The following SLC4A10 variants were observed in gnomAD, a reference collection of about 807,000 sequenced individuals.
SLC4A10 encodes sodium-driven chloride bicarbonate exchanger.
SLC4A10 carries 42 observed loss-of-function variants against 137.7 expected under a neutral mutation model. The observed-to-expected ratio is 0.30, with a 90% CI of 0.24 to 0.39. The LOEUF (loss-of-function observed/expected upper bound fraction) is 0.39. Among genes scored for constraint, SLC4A10 ranks in the 10% least tolerant of loss-of-function variants. The probability of loss-of-function intolerance (pLI) is 1.00; values close to 1 mark genes in which losing one functional copy is unlikely to be tolerated. For synonymous variants in SLC4A10, 474 were observed against 464.1 expected (o/e 1.02, Z -0.27); for missense variants, 925 against 1,355.0 (o/e 0.68, Z 4.98).
In SLC4A10 at chr2:161,748,131, A is replaced by G. The variant is rs192392799; in HGVS notation, c.49-22842A>G. Among the ~76,000 whole-genome samples, 54 of 152,118 alleles carry G rather than the reference A, an allele frequency of 3.5e-4. 1 individual carries two copies. Among genetic ancestry groups the G allele is most frequent in the Non-Finnish European group, 6.3e-4 (43 of 67,988 alleles). ...TTGAGTTATTTGGGGGGTTTTTGCT[A>G]TTGAGTTGTGTAAGTTCCTTATATA... On this transcript the variant is annotated intron_variant, in intron 1 of 26. Coordinates refer to ENST00000446997, the MANE Select transcript of SLC4A10 (RefSeq NM_001178015.2).
At chr2:161,965,717 CT>C (rs559694299) in intron 23 of SLC4A10, among the ~76,000 whole-genome samples, 237 of 152,216 alleles carry the variant, frequency 1.6e-3, no homozygotes, top group Middle Eastern at 3.4e-3. Flanking sequence ...GCAGAAACTT[CT>C]GGAATTTATT....
chr2:161,930,263 G>A lies in SLC4A10; in HGVS notation c.1998-12529G>A, dbSNP rs143431199. Among the ~76,000 whole-genome samples, 633 of 152,216 alleles carry A rather than the reference G, an allele frequency of 4.2e-3. 5 individuals are homozygous for A. Among genetic ancestry groups the A allele is most frequent in the African/African-American group, 0.014 (601 of 41,552 alleles). On this transcript the variant is annotated intron_variant, in intron 15 of 26. Coordinates refer to ENST00000446997, the MANE Select transcript of SLC4A10 (RefSeq NM_001178015.2). ...CTGCTGGATTCTTTCCATGAGAAAA[G>A]CCTGTGTTGAGCTTTAGTTTCTTCA...
At chr2:161,740,826 A>G (rs971638303) in intron 1 of SLC4A10, among the ~76,000 whole-genome samples, 1 of 152,180 alleles carries the variant, frequency 6.6e-6, no homozygotes, top group Non-Finnish European at 1.5e-5. Flanking sequence ...CAATTTCTGT[A>G]TATGTTTTAG....
intron 1 of SLC4A10, among the ~76,000 whole-genome samples, chr2:161,761,182 C>T (rs1419719992): frequency 6.6e-6 from 1 of 151,988 alleles, no homozygotes; most frequent in African/African-American, 2.4e-5. Context: ...GCTGCACACA[C>T]ATACAAACTG....
chr2:161,907,834 A>G (rs1029402842), intron 15 of SLC4A10, among the ~76,000 whole-genome samples: 4 of 152,238 alleles, frequency 2.6e-5, no homozygotes, highest in African/African-American at 9.6e-5. Context: ...AGGTTTTATT[A>G]CTGATATAAT....
intron 21 of SLC4A10, among the ~76,000 whole-genome samples, chr2:161,962,764 A>C (rs1220185123): frequency 6.6e-6 from 1 of 152,152 alleles, no homozygotes; most frequent in Non-Finnish European, 1.5e-5. Flanking sequence ...TAAGACATAG[A>C]ACACAGAAGG....
chr2:161,686,736 A>T (rs758341954), intron 1 of SLC4A10, among the ~76,000 whole-genome samples: 2 of 152,144 alleles, frequency 1.3e-5, no homozygotes, highest in Non-Finnish European at 2.9e-5. Context: ...AACAATTTTT[A>T]TTTTTTTAAT....
At chr2:161,704,125 C>T (rs1000791747) in intron 1 of SLC4A10, among the ~76,000 whole-genome samples, 7 of 150,962 alleles carry the variant, frequency 4.6e-5, no homozygotes, top group African/African-American at 7.3e-5. Flanking sequence ...TAGTGAAAAT[C>T]GCTTAAGATC....
At chr2:161,800,723 T>G (rs939332743) in intron 2 of SLC4A10, among the ~76,000 whole-genome samples, 1 of 152,028 alleles carries the variant, frequency 6.6e-6, no homozygotes, top group Non-Finnish European at 1.5e-5. Context: ...TGGACCTTAG[T>G]GGATAACAGC....
chr2:161,809,690 G>A (rs564329176), intron 3 of SLC4A10, among the ~76,000 whole-genome samples: 9 of 152,006 alleles, frequency 5.9e-5, no homozygotes, highest in Non-Finnish European at 1.3e-4. Context: ...TGTTGTAGGT[G>A]TTTGACTTTA....
intron 15 of SLC4A10, among the ~76,000 whole-genome samples, chr2:161,913,654 A>T (rs1261180579): frequency 6.6e-6 from 1 of 152,194 alleles, no homozygotes; most frequent in Non-Finnish European, 1.5e-5. Context: ...TTTATAGAAC[A>T]AGTTATGACT....
At chr2:161,933,181 T>TC (rs1559564606) in intron 15 of SLC4A10, among the ~76,000 whole-genome samples, 8 of 140,560 alleles carry the variant, frequency 5.7e-5, no homozygotes, top group African/African-American at 2.0e-4. Flanking sequence ...TCCCCTTCCT[T>TC]CTTTTCTTTC....
At position 161,938,280 on chromosome 2, in the gene SLC4A10, A is replaced by T. The variant is rs1051178735; in HGVS notation, c.1998-4512A>T. On this transcript the variant is annotated intron_variant, in intron 15 of 26. Transcript: ENST00000446997. Reference sequence around the variant, plus strand: ...AGAGAAACCCTGTCTCCAAATAAATAAATTAATTAATGAATTAATTAAATA... The same window carrying T: ...AGAGAAACCCTGTCTCCAAATAAATTAATTAATTAATGAATTAATTAAATA... Among the ~76,000 whole-genome samples the T allele has an allele frequency of 4.6e-5, 7 of 152,110 alleles. No homozygotes were observed. The East Asian group carries it at 9.6e-4, about 21-fold the overall frequency.
Position 161,950,863 on chromosome 2 carries a change from C to T in SLC4A10, c.2541+15C>T. 1.3e-6 allele frequency: 2 copies of T among 1,566,300 alleles called. No individual in the cohort carries two copies. Among genetic ancestry groups the T allele is most frequent in the Non-Finnish European group, 1.7e-6 (2 of 1,153,590 alleles). ...ATAAGCTAAAGGTATATTTTAACAT[C>T]CATTTTAATGTAAATAATTATGACA... is the stretch of plus-strand genomic sequence containing the variant. On this transcript the variant is annotated intron_variant, in intron 19 of 26. Transcript: ENST00000446997.
chr2:161,905,223 C>A (rs945010320), intron 14 of SLC4A10, among the ~76,000 whole-genome samples: 1 of 152,140 alleles, frequency 6.6e-6, no homozygotes, highest in Non-Finnish European at 1.5e-5. Flanking sequence ...TCATGGAAGA[C>A]AATTTTTCCA....
intron 2 of SLC4A10, among the ~76,000 whole-genome samples, chr2:161,796,186 A>G (rs1166747524): frequency 6.6e-6 from 1 of 152,196 alleles, no homozygotes; most frequent in Non-Finnish European, 1.5e-5. Context: ...TTCCAAATAA[A>G]TTTTAGCATT....
intron 1 of SLC4A10, among the ~76,000 whole-genome samples, chr2:161,761,596 C>T (rs1241115563): frequency 1.3e-5 from 2 of 152,016 alleles, no homozygotes; most frequent in Non-Finnish European, 2.9e-5. Flanking sequence ...GGCAAAAATG[C>T]AGGTTTCGCT....
In SLC4A10 at chr2:161,796,437, G is replaced by A. The variant is rs564553530; in HGVS notation, c.131-8012G>A. Among the ~76,000 whole-genome samples the A allele has an allele frequency of 2.0e-5, 3 of 152,266 alleles. No homozygotes were observed. In the East Asian group the frequency reaches 5.8e-4, roughly 30 times the overall value. On this transcript the variant is annotated intron_variant, in intron 2 of 26. Coordinates refer to ENST00000446997, the MANE Select transcript of SLC4A10 (RefSeq NM_001178015.2). ...TAGGGCTTCTCTCTTCATGGTCTCTGATCTGATCCAGCCAGCTAGGCTGGG... is the reference window on the plus strand; with the variant it reads ...TAGGGCTTCTCTCTTCATGGTCTCTAATCTGATCCAGCCAGCTAGGCTGGG...
At chr2:161,917,611 A>G (rs1687362929) in intron 15 of SLC4A10, among the ~76,000 whole-genome samples, 1 of 151,522 alleles carries the variant, frequency 6.6e-6, no homozygotes, top group South Asian at 2.1e-4. Flanking sequence ...GAGAAAAGAA[A>G]AAGAAACTGC....
Sources: gnomAD v4.1 joint callset for allele counts (sites outside exome capture counted in the v4.1 genomes callset) on GRCh38, gnomAD v4.1.1 for gene constraint, MANE v1.5 for transcripts, NCBI Gene and HGNC (gene_info 2026-07-23, HGNC 2026-07-21) for gene names.